SCUBE2: variants seen among roughly 807,000 people sequenced by gnomAD.
SCUBE2 encodes signal peptide, CUB domain and EGF like domain containing 2.
SCUBE2 carries 114 observed loss-of-function variants against 125.9 expected under a neutral mutation model. The observed-to-expected ratio is 0.91, with a 90% CI of 0.78 to 1.06. SCUBE2 has a LOEUF of 1.06. Ranked by LOEUF, SCUBE2 falls within the 50% of genes least tolerant of loss-of-function variation. The probability of loss-of-function intolerance (pLI) is 0.00; values close to 1 mark genes in which losing one functional copy is unlikely to be tolerated. For missense variants in SCUBE2, 1,255 were observed against 1,301.8 expected, an observed-to-expected ratio of 0.96 and a Z score of 0.55; for synonymous variants, 459 against 492.9, an observed-to-expected ratio of 0.93 and a Z score of 0.91.
intron 2 of SCUBE2, among the ~76,000 whole-genome samples, chr11:9,086,686 C>T (rs904391750): frequency 2.1e-4 from 32 of 152,074 alleles, no homozygotes; most frequent in Non-Finnish European, 3.5e-4. Context: ...AACCCCATCT[C>T]TACTAAAAAT....
chr11:9,053,050 G>A (rs1441840984), intron 12 of SCUBE2, 49 bp downstream of exon 12: 8 of 1,475,828 alleles, frequency 5.4e-6, no homozygotes, highest in Non-Finnish European at 6.6e-6. Context: ...AGGCCAGAGA[G>A]GCCTGGCCCC....
intron 22 of SCUBE2, 85 bp downstream of exon 22, chr11:9,021,791 C>T (rs2134979949): frequency 2.0e-6 from 2 of 1,009,128 alleles, no homozygotes; most frequent in Non-Finnish European, 3.1e-6. Flanking sequence ...AAGGTGGCAA[C>T]AAGGAGCAGG....
At chr11:9,033,469 T>C (rs1308193743) in intron 17 of SCUBE2, among the ~76,000 whole-genome samples, 157 bp downstream of exon 17, 1 of 152,186 alleles carries the variant, frequency 6.6e-6, no homozygotes, top group Non-Finnish European at 1.5e-5. Context: ...GGCACTGACC[T>C]AGGCACTGGT....
In SCUBE2 at chr11:9,054,722, TATA is replaced by T. The variant is rs201627877; in HGVS notation, c.1208-966_1208-964del. 5.4e-3 allele frequency among the ~76,000 whole-genome samples: 377 copies of T among 70,320 alleles called. 5 individuals carry two copies. The highest frequency in any genetic ancestry group is 0.011 in the African/African-American group (177 of 16,538). The allele number at this position is 70,320 out of a possible 152,430, so 46.1% of individuals were successfully genotyped here. A position where few individuals can be genotyped will look rare whatever the true frequency, so the allele number is the denominator to read the frequency against. On this transcript the variant is annotated intron_variant, in intron 10 of 22. Coordinates refer to ENST00000649792, the MANE Select transcript of SCUBE2 (RefSeq NM_001367977.2). ...TAGTGTATATATATATATATATATA[TATA>T]TTTTTTTTTTTTTTTTTTTTTTTTT...
chr11:9,029,614 A>G (rs1187745064), intron 19 of SCUBE2, among the ~76,000 whole-genome samples: 1 of 152,246 alleles, frequency 6.6e-6, no homozygotes, highest in Non-Finnish European at 1.5e-5. Context: ...TCAAGGCTGG[A>G]CTAAAATTAT....
At chr11:9,028,722 G>A (rs1856011177) in intron 19 of SCUBE2, among the ~76,000 whole-genome samples, 1 of 152,182 alleles carries the variant, frequency 6.6e-6, no homozygotes. Context: ...GGGAGCCATG[G>A]GGCGGAGAAT....
rs533298107 is a variant in SCUBE2 at position 9,053,162 on chromosome 11, C to T, written c.1384G>A (p.Gly462Ser). Reference sequence around the variant, plus strand: ...CACCCGTCTCCTCCACCACTCTTACCGCAGTGCAGGGACACACGGGGTGAC... The same window carrying T: ...CACCCGTCTCCTCCACCACTCTTACTGCAGTGCAGGGACACACGGGGTGAC... ...SVSPRVSLHC[G>S]KSGGGDGCFL... Residue 462 changes from glycine to serine, a missense_variant, in exon 12 of 23, where the codon GGT becomes AGT. By Grantham distance (56) the Gly-to-Ser change is moderately conservative. Around this residue, in one of 3 missense-constraint regions of SCUBE2, gnomAD observed 378 missense variants for 463.1 expected, o/e 0.82. Transcript: ENST00000649792. The T allele has an allele frequency of 1.1e-5, 17 of 1,614,232 alleles. No homozygotes were observed. The highest frequency in any genetic ancestry group is 4.4e-5 in the South Asian group (4 of 91,076).
intron 19 of SCUBE2, among the ~76,000 whole-genome samples, chr11:9,029,053 C>A (rs1215875824): frequency 2.0e-5 from 3 of 149,142 alleles, no homozygotes; most frequent in Admixed American, 6.6e-5. Flanking sequence ...CAAGCTCCTC[C>A]AGTTTAGGGG....
rs759121047 is a variant in SCUBE2 at position 9,065,861 on chromosome 11, T to C, written c.850+30A>G. 1.1e-5 allele frequency: 18 copies of C among 1,590,384 alleles called. No homozygotes were observed. In the South Asian group the frequency reaches 1.8e-4, roughly 16 times the overall value. On this transcript the variant is annotated intron_variant, in intron 7 of 22. Transcript: ENST00000649792. ...TGGGGAGGGAAAAGGACAATTGCAG[T>C]GGCCAAGGAAAGGGAGTGAAGGTGC...
At chr11:9,060,034 T>A (rs1388432301) in intron 8 of SCUBE2, among the ~76,000 whole-genome samples, 5 of 152,256 alleles carry the variant, frequency 3.3e-5, no homozygotes, top group African/African-American at 9.6e-5. Flanking sequence ...GTCCTCTGGA[T>A]AATCATCTTG....
At chr11:9,035,426 A>T (rs368004930) in intron 16 of SCUBE2, among the ~76,000 whole-genome samples, 2 of 152,352 alleles carry the variant, frequency 1.3e-5, no homozygotes, top group African/African-American at 4.8e-5. Flanking sequence ...AAAGTTATTT[A>T]ACAAACGGGC....
At chr11:9,070,014 C>T (rs563892969) in intron 4 of SCUBE2, among the ~76,000 whole-genome samples, 9 of 152,324 alleles carry the variant, frequency 5.9e-5, no homozygotes, top group Admixed American at 2.0e-4. Context: ...TTGGCATCCT[C>T]GTACGGGCCA....
intron 16 of SCUBE2, among the ~76,000 whole-genome samples, chr11:9,041,763 G>T (rs908201610): frequency 6.6e-6 from 1 of 152,240 alleles, no homozygotes; most frequent in African/African-American, 2.4e-5. Flanking sequence ...GGGGGACACA[G>T]AAATGAGGCA....
intron 16 of SCUBE2, among the ~76,000 whole-genome samples, chr11:9,039,129 G>A (rs72856081): frequency 0.09 from 13,710 of 151,676 alleles, 776 homozygotes; most frequent in South Asian, 0.23. Flanking sequence ...GTGAGCCACT[G>A]TACCCAGCCT....
rs977570236 is a variant in SCUBE2, at chr11:9,020,604, G to A, written c.*441C>T. ...CTCTTGCCTGTTCTGCCTGGTCAGA[G>A]CCTGCACACGAGTGCAGAGGGCTCC... On this transcript the variant is annotated 3_prime_UTR_variant, in exon 23 of 23. Coordinates refer to ENST00000649792, the MANE Select transcript of SCUBE2 (RefSeq NM_001367977.2). 1.3e-5 allele frequency: 2 copies of A among 152,318 alleles called. No homozygotes were observed. The highest frequency in any genetic ancestry group is 4.8e-5 in the African/African-American group (2 of 41,428). 9.4% of individuals were successfully genotyped at this position (152,318 alleles called of 1,614,324 possible).
intron 16 of SCUBE2, among the ~76,000 whole-genome samples, chr11:9,042,345 T>G (rs1007583835): frequency 1.3e-5 from 2 of 152,118 alleles, no homozygotes; most frequent in Non-Finnish European, 2.9e-5. Context: ...TCACCGTCTC[T>G]TATTTGGATT....
chr11:9,088,021 A>G (rs1240493816), intron 2 of SCUBE2, among the ~76,000 whole-genome samples: 1 of 152,272 alleles, frequency 6.6e-6, no homozygotes, highest in Non-Finnish European at 1.5e-5. Flanking sequence ...ATTCAAAAAT[A>G]AGGATGTCTA....
In SCUBE2 at chr11:9,033,621, C is replaced by A; in HGVS notation, c.2173+5G>T. ...GGAGTAGGAAGGAACAGACAGCATC[C>A]TTACCTCCACATTCAGACATATTCC... On this transcript the variant is annotated splice_donor_5th_base_variant and intron_variant, in intron 17 of 22. Coordinates refer to ENST00000649792, the MANE Select transcript of SCUBE2 (RefSeq NM_001367977.2). The A allele has an allele frequency of 6.2e-7, 1 of 1,613,090 alleles. No homozygotes were observed. Among genetic ancestry groups the A allele is most frequent in the South Asian group, 1.1e-5 (1 of 90,996 alleles).
In SCUBE2 at chr11:9,053,752, A is replaced by G. The variant is rs777084921; in HGVS notation, c.1215T>C (p.Asn405=). Residue 405 remains asparagine, a synonymous_variant, in exon 11 of 23, where the codon AAT becomes AAC. Coordinates refer to ENST00000649792, the MANE Select transcript of SCUBE2 (RefSeq NM_001367977.2). ...LYGFTHCGDT[N]ECSINNGGCQ... ...AGCCTCCGTTGTTGATGCTGCACTC[A>G]TTGGTGTCTGTGGAACAAAATACTC... is the stretch of plus-strand genomic sequence containing the variant. 3.6e-5 allele frequency: 58 copies of G among 1,612,970 alleles called. No homozygotes were observed. The African/African-American group carries it at 6.1e-4, about 17-fold the overall frequency.
Sources: allele counts gnomAD v4.1 joint callset (sites outside exome capture counted in the v4.1 genomes callset), GRCh38; gene constraint gnomAD v4.1.1; regional missense constraint gnomAD v4.1.1; transcripts MANE v1.5; gene names NCBI Gene and HGNC (gene_info 2026-07-23, HGNC 2026-07-21).